Variants in OLA1 observed in about 807,000 individuals in gnomAD.
OLA1 encodes obg-like ATPase 1.
Under a neutral mutation model 48.4 loss-of-function variants are expected in OLA1, and 14 were observed. That is an observed-to-expected ratio of 0.29 (90% CI 0.19 to 0.45). The LOEUF (loss-of-function observed/expected upper bound fraction) is 0.45. Ranked by LOEUF, OLA1 falls within the 20% of genes least tolerant of loss-of-function variation. The probability of loss-of-function intolerance (pLI) is 1.00; values close to 1 mark genes in which losing one functional copy is unlikely to be tolerated. For missense variants in OLA1, 325 were observed against 467.1 expected (o/e 0.70, Z 2.80); for synonymous variants, 127 against 150.4 (o/e 0.84, Z 1.14).
intron 7 of OLA1, among the ~76,000 whole-genome samples, chr2:174,097,080 C>A (rs919757464): frequency 6.6e-6 from 1 of 152,062 alleles, no homozygotes; most frequent in Non-Finnish European, 1.5e-5. Context: ...CGGTTGAAAC[C>A]GGAAAGCGAA....
intron 4 of OLA1, among the ~76,000 whole-genome samples, chr2:174,206,391 A>AC (rs1436742927): frequency 8.5e-5 from 13 of 152,126 alleles, no homozygotes; most frequent in African/African-American, 2.4e-4. Flanking sequence ...AAACAAACAA[A>AC]AAAAAACTGA....
chr2:174,132,534 G>A (rs1194839770), intron 5 of OLA1, among the ~76,000 whole-genome samples: 1 of 151,926 alleles, frequency 6.6e-6, no homozygotes, highest in East Asian at 1.9e-4. Flanking sequence ...AACAAATTTG[G>A]TATATTGCAT....
intron 9 of OLA1, chr2:174,080,951 A>C (rs1684839950): frequency 1.9e-6 from 1 of 533,332 alleles, no homozygotes; most frequent in East Asian, 3.3e-5. Context: ...TAATAGGCAG[A>C]ATCAATTGTT....
chr2:174,212,596 T>C (rs1688268062), intron 4 of OLA1, among the ~76,000 whole-genome samples: 1 of 152,238 alleles, frequency 6.6e-6, no homozygotes, highest in African/African-American at 2.4e-5. Context: ...GTTTGGACTC[T>C]TGTAATAACA....
intron 2 of OLA1, among the ~76,000 whole-genome samples, chr2:174,236,356 T>C (rs923597257): frequency 1.3e-5 from 2 of 152,070 alleles, no homozygotes; most frequent in Non-Finnish European, 2.9e-5. Flanking sequence ...CAAATAAAAT[T>C]ATTGTTAAAA....
At chr2:174,139,340 C>G (rs1323066314) in intron 5 of OLA1, among the ~76,000 whole-genome samples, 1 of 152,192 alleles carries the variant, frequency 6.6e-6, no homozygotes, top group African/African-American at 2.4e-5. Flanking sequence ...ACTTCTCCCC[C>G]AGAGAGGCTT....
intron 10 of OLA1, among the ~76,000 whole-genome samples, chr2:174,078,003 C>A (rs1028858304): frequency 6.6e-6 from 1 of 151,928 alleles, no homozygotes; most frequent in African/African-American, 2.4e-5. Flanking sequence ...TCCTTCCACT[C>A]TTTCAAAAAA....
intron 2 of OLA1, among the ~76,000 whole-genome samples, chr2:174,244,370 A>T (rs962947524): frequency 6.6e-6 from 1 of 152,232 alleles, no homozygotes. Context: ...TTAAAAGTGT[A>T]AACAGCACAC....
intron 7 of OLA1, among the ~76,000 whole-genome samples, chr2:174,118,755 G>C (rs1027700602): frequency 1.3e-5 from 2 of 152,144 alleles, no homozygotes; most frequent in African/African-American, 4.8e-5. Context: ...AGATTACAAC[G>C]GGCACTCCCA....
chr2:174,242,542 C>T (rs1328886839), intron 2 of OLA1, among the ~76,000 whole-genome samples: 3 of 152,124 alleles, frequency 2.0e-5, no homozygotes, highest in African/African-American at 7.2e-5. Context: ...CTAGGGATTG[C>T]CAAGCTGTGA....
At chr2:174,214,671 C>T (rs1323050615) in intron 4 of OLA1, among the ~76,000 whole-genome samples, 2 of 152,100 alleles carry the variant, frequency 1.3e-5, no homozygotes, top group Non-Finnish European at 2.9e-5. Flanking sequence ...CCTGTATTTT[C>T]CAGACATTTT....
At chr2:174,177,285 A>G (rs992862613) in intron 4 of OLA1, among the ~76,000 whole-genome samples, 3 of 152,174 alleles carry the variant, frequency 2.0e-5, no homozygotes, top group Non-Finnish European at 4.4e-5. Flanking sequence ...CAAGCAATTC[A>G]TCTGGCAGCC....
intron 7 of OLA1, among the ~76,000 whole-genome samples, chr2:174,118,967 T>C (rs895393894): frequency 1.3e-5 from 2 of 152,018 alleles, no homozygotes; most frequent in African/African-American, 4.8e-5. Flanking sequence ...TGTATTGTTA[T>C]CTCTCGATAA....
intron 4 of OLA1, among the ~76,000 whole-genome samples, chr2:174,167,307 G>A (rs1687189194): frequency 6.6e-6 from 1 of 152,202 alleles, no homozygotes; most frequent in Non-Finnish European, 1.5e-5. Context: ...CAGGCGCAGT[G>A]GCTCACGCCT....
chr2:174,078,147 A>G (rs1292633714), intron 10 of OLA1, among the ~76,000 whole-genome samples: 1 of 152,050 alleles, frequency 6.6e-6, no homozygotes, highest in Non-Finnish European at 1.5e-5. Context: ...AAAATAAAGT[A>G]AACCTGAAAT....
intron 7 of OLA1, among the ~76,000 whole-genome samples, chr2:174,105,826 T>C (rs1574484349): frequency 6.6e-6 from 1 of 152,140 alleles, no homozygotes; most frequent in East Asian, 1.9e-4. Flanking sequence ...CGTTATAATA[T>C]TCTTGAAGCA....
At chr2:174,245,696 C>G (rs544860726) in intron 2 of OLA1, among the ~76,000 whole-genome samples, 2 of 152,168 alleles carry the variant, frequency 1.3e-5, no homozygotes, top group Non-Finnish European at 2.9e-5. Context: ...GAGTTCAACA[C>G]CAGCCTGGCC....
rs553006532 is a variant in OLA1, at chr2:174,170,476, A to C, written c.374-28476T>G. On this transcript the variant is annotated intron_variant, in intron 4 of 10. Coordinates refer to ENST00000284719, the MANE Select transcript of OLA1 (RefSeq NM_013341.5). The stretch of plus-strand genomic sequence containing the variant: ...CAGAAGCAACAAATAAAACACAAAT[A>C]AAAAGATACAAATCCAAACCTATCA... Among the ~76,000 whole-genome samples the C allele has an allele frequency of 3.3e-5, 5 of 152,350 alleles. No individual in the cohort carries two copies. The South Asian group carries it at 1.0e-3, about 32-fold the overall frequency.
intron 7 of OLA1, among the ~76,000 whole-genome samples, chr2:174,117,268 ATTAT>A (rs1177892408): frequency 3.3e-5 from 5 of 152,230 alleles, no homozygotes; most frequent in African/African-American, 9.6e-5. Context: ...TTTGGGAAAC[ATTAT>A]TTATACAGAA....
Sources: allele counts gnomAD v4.1 joint callset (sites outside exome capture counted in the v4.1 genomes callset), GRCh38; gene constraint gnomAD v4.1.1; transcripts MANE v1.5; gene names NCBI Gene and HGNC (gene_info 2026-07-23, HGNC 2026-07-21).